The following DIS3L2 variants were observed in gnomAD, a reference collection of about 807,000 sequenced individuals.
DIS3L2 encodes the protein DIS3 like 3'-5' exoribonuclease 2, also known as DIS3-like exonuclease 2.
Under a neutral mutation model 97.5 loss-of-function variants are expected in DIS3L2, and 34 were observed. The observed-to-expected ratio is 0.35, with a 90% CI of 0.27 to 0.46. The LOEUF (loss-of-function observed/expected upper bound fraction) is 0.46, where lower values mean the gene tolerates loss of function less well. Ranked by LOEUF, DIS3L2 falls within the 20% of genes least tolerant of loss-of-function variation. DIS3L2 has a pLI of 1.00. For missense variants in DIS3L2, 1,038 were observed against 1,146.0 expected (o/e 0.91, Z 1.36); for synonymous variants, 435 against 445.2 (o/e 0.98, Z 0.29).
At chr2:232,220,112 A>AAAATAAAT (rs59785632) in intron 10 of DIS3L2, among the ~76,000 whole-genome samples, 127 of 139,162 alleles carry the variant, frequency 9.1e-4, no homozygotes, top group Admixed American at 3.1e-3. Context: ...TCTCTACAGA[A>AAAATAAAT]AAATAAATAA....
chr2:232,074,774 G>A (rs976526027), intron 5 of DIS3L2, among the ~76,000 whole-genome samples: 1 of 151,930 alleles, frequency 6.6e-6, no homozygotes, highest in African/African-American at 2.4e-5. Flanking sequence ...GGTAGAGACG[G>A]AGTTTTGCCG....
chr2:232,310,533 C>T (rs1036717259), intron 14 of DIS3L2, among the ~76,000 whole-genome samples: 2 of 152,258 alleles, frequency 1.3e-5, no homozygotes, highest in Non-Finnish European at 2.9e-5. Flanking sequence ...CTTCTCACCT[C>T]ACTCCGTGCA....
intron 11 of DIS3L2, among the ~76,000 whole-genome samples, chr2:232,247,250 C>T (rs1473305684): frequency 6.6e-6 from 1 of 152,186 alleles, no homozygotes; most frequent in Non-Finnish European, 1.5e-5. Flanking sequence ...CACAAGAATG[C>T]ATACCCAGCA....
Position 232,238,475 on chromosome 2 carries a change from G to T in DIS3L2, c.1205-58G>T. On this transcript the variant is annotated intron_variant, in intron 10 of 20. Transcript: ENST00000325385. ...ACATACATTCTAGGAAAGGACTCCTGGGAGAGAATGCTGTGGCCTTCCACG... is the reference window on the plus strand; with the variant it reads ...ACATACATTCTAGGAAAGGACTCCTTGGAGAGAATGCTGTGGCCTTCCACG... 2.1e-6 allele frequency: 3 copies of T among 1,434,064 alleles called. No individual in the cohort carries two copies. In the South Asian group the frequency reaches 3.5e-5, roughly 17 times the overall value. 88.8% of individuals were successfully genotyped at this position (1,434,064 alleles called of 1,614,324 possible). A position where few individuals can be genotyped will look rare whatever the true frequency, so the allele number is the denominator to read the frequency against.
At chr2:232,166,657 A>C (rs576098097) in intron 9 of DIS3L2, among the ~76,000 whole-genome samples, 6 of 152,262 alleles carry the variant, frequency 3.9e-5, no homozygotes, top group Admixed American at 3.3e-4. Context: ...CGGAGGTTGC[A>C]GTGAGCCAAG....
intron 5 of DIS3L2, among the ~76,000 whole-genome samples, chr2:232,063,822 G>A (rs1695779607): frequency 6.6e-6 from 1 of 152,100 alleles, no homozygotes; most frequent in Non-Finnish European, 1.5e-5. Flanking sequence ...CTTATTAACT[G>A]AAGCGTCACC....
At chr2:232,216,842 T>G in intron 10 of DIS3L2, among the ~76,000 whole-genome samples, 1 of 86,952 alleles carries the variant, frequency 1.2e-5, no homozygotes, top group South Asian at 4.5e-4. Flanking sequence ...TCCCCTCCCC[T>G]CCCCTCCCCT....
At chr2:232,299,211 C>T (rs745735580) in intron 13 of DIS3L2, among the ~76,000 whole-genome samples, 2 of 152,194 alleles carry the variant, frequency 1.3e-5, no homozygotes, top group Non-Finnish European at 2.9e-5. Flanking sequence ...CTATCCCAGC[C>T]CCCCTGGCCG....
intron 5 of DIS3L2, among the ~76,000 whole-genome samples, chr2:232,081,658 C>A (rs374571698): frequency 1.6e-4 from 24 of 152,156 alleles, no homozygotes; most frequent in East Asian, 1.2e-3. Flanking sequence ...TTCCTGTGTC[C>A]TTTAGACAAG....
intron 13 of DIS3L2, among the ~76,000 whole-genome samples, chr2:232,342,246 TATACACATACACAC>T (rs1559225117): frequency 4.1e-5 from 6 of 147,230 alleles, no homozygotes; most frequent in African/African-American, 1.1e-4. Context: ...CATACACATA[TATACACATACACAC>T]ATACACATAT....
chr2:232,130,825 GA>G, intron 7 of DIS3L2, 106 bp downstream of exon 7: 2 of 1,346,836 alleles, frequency 1.5e-6, no homozygotes, highest in Non-Finnish European at 1.9e-6. Context: ...CATTTAATCA[GA>G]AAAGTTAGAG....
chr2:231,999,418 A>G (rs575787654), intron 1 of DIS3L2, among the ~76,000 whole-genome samples: 12 of 152,324 alleles, frequency 7.9e-5, no homozygotes, highest in African/African-American at 2.4e-4. Context: ...TTTATATGCT[A>G]TATACATTTG....
At position 232,337,171 on chromosome 2, in the gene DIS3L2, T is replaced by G. The variant is rs1695987381; in HGVS notation, c.*541T>G. 2 of 995,958 alleles carry G rather than the reference T, an allele frequency of 2.0e-6. No individual in the cohort carries two copies. Among genetic ancestry groups the G allele is most frequent in the Non-Finnish European group, 2.4e-6 (2 of 837,928 alleles). 61.7% of individuals were successfully genotyped at this position (995,958 alleles called of 1,614,324 possible). ...ATACTGGAGTCTCATTCTGCCTGATTAAAAATGGAATTAGTATGCAACACT... is the reference window on the plus strand; with the variant it reads ...ATACTGGAGTCTCATTCTGCCTGATGAAAAATGGAATTAGTATGCAACACT... On this transcript the variant is annotated 3_prime_UTR_variant, in exon 21 of 21. Transcript: ENST00000325385.
At chr2:232,236,811 G>A (rs1024549830) in intron 10 of DIS3L2, among the ~76,000 whole-genome samples, 1 of 152,120 alleles carries the variant, frequency 6.6e-6, no homozygotes, top group African/African-American at 2.4e-5. Flanking sequence ...AAGTGCAGTG[G>A]CACAATCTCA....
At chr2:232,321,794 C>A (rs539848861) in intron 14 of DIS3L2, among the ~76,000 whole-genome samples, 1 of 152,178 alleles carries the variant, frequency 6.6e-6, no homozygotes, top group Non-Finnish European at 1.5e-5. Context: ...AGAGGCCCCC[C>A]CTTTGTTTCC....
At chr2:232,180,318 C>T (rs1467436074) in intron 9 of DIS3L2, among the ~76,000 whole-genome samples, 1 of 20,712 alleles carries the variant, frequency 4.8e-5, no homozygotes, top group South Asian at 1.3e-3. Context: ...CTGTAGATGT[C>T]TATTAGGTCC....
chr2:231,985,427 G>C (rs1039963612), intron 1 of DIS3L2, among the ~76,000 whole-genome samples: 4 of 152,078 alleles, frequency 2.6e-5, no homozygotes, highest in Non-Finnish European at 4.4e-5. Flanking sequence ...TTTCTTCATT[G>C]CTGAGTAGTA....
rs541705501 is a variant in DIS3L2, at chr2:232,174,016, AG to A, written c.1124+10385del. Among the ~76,000 whole-genome samples the A allele has an allele frequency of 2.9e-3, 436 of 152,282 alleles. 1 individual carries two copies. The highest frequency in any genetic ancestry group is 4.8e-3 in the Non-Finnish European group (324 of 68,016). ...AAGAATTGCTCTGAGTCTGTAGATC[AG>A]TTTGGGGAGCATTTCCATCTTAACA... On this transcript the variant is annotated intron_variant, in intron 9 of 20. Coordinates refer to ENST00000325385, the MANE Select transcript of DIS3L2 (RefSeq NM_152383.5).
intron 5 of DIS3L2, among the ~76,000 whole-genome samples, chr2:232,036,936 T>A (rs144657886): frequency 0.025 from 3,729 of 152,196 alleles, 153 homozygotes; most frequent in African/African-American, 0.085. Flanking sequence ...CAGCTGGAGC[T>A]CTCCTGTATG....
Sources: gnomAD v4.1 joint callset for allele counts (sites outside exome capture counted in the v4.1 genomes callset) on GRCh38, gnomAD v4.1.1 for gene constraint, MANE v1.5 for transcripts, NCBI Gene and HGNC (gene_info 2026-07-23, HGNC 2026-07-21) for gene names.